Variants in ADAMTSL2 observed in about 807,000 individuals in gnomAD.
ADAMTSL2 encodes ADAMTS-like protein 2.
ADAMTSL2 carries 55 observed loss-of-function variants against 117.0 expected under a neutral mutation model. The ratio of observed to expected loss-of-function variants is 0.47; its 90% CI spans 0.38 to 0.59. The LOEUF (loss-of-function observed/expected upper bound fraction) is 0.59, where lower values mean the gene tolerates loss of function less well. Ranked by LOEUF, ADAMTSL2 falls within the 20% of genes least tolerant of loss-of-function variation. ADAMTSL2 has a pLI of 0.00. For missense variants in ADAMTSL2, 1,182 were observed against 1,354.5 expected (o/e 0.87, Z 2.00); for synonymous variants, 572 against 566.4 (o/e 1.01, Z -0.14).
At chr9:133,556,015 G>A (rs1037692575) in intron 11 of ADAMTSL2, 85 bp downstream of exon 11, 3 of 1,539,976 alleles carry the variant, frequency 1.9e-6, no homozygotes, top group East Asian at 2.3e-5. Flanking sequence ...GGCCCCACTG[G>A]GGGGGTCTGG....
At chr9:133,571,264 G>T (rs1330477302) in intron 17 of ADAMTSL2, among the ~76,000 whole-genome samples, 3 of 152,160 alleles carry the variant, frequency 2.0e-5, no homozygotes, top group Non-Finnish European at 4.4e-5. Flanking sequence ...CCCACTCGGG[G>T]TCCCACAGTT....
At chr9:133,537,328 C>A in intron 2 of ADAMTSL2, 77 bp from the exon 3 acceptor site, 1 of 1,310,544 alleles carries the variant, frequency 7.6e-7, no homozygotes, top group Admixed American at 2.9e-5. Context: ...CGGTGATACC[C>A]TCGGGCATGG....
chr9:133,548,086 C>T (rs1277471091), intron 9 of ADAMTSL2, among the ~76,000 whole-genome samples: 6 of 152,250 alleles, frequency 3.9e-5, no homozygotes, highest in Admixed American at 6.5e-5. Flanking sequence ...AGCCACCCCA[C>T]AACCTGGGCT....
Position 133,566,957 on chromosome 9 carries a change from T to C in ADAMTSL2, c.1769T>C (p.Met590Thr), listed in dbSNP as rs1588307927. ...CCAGGGGTCATGTCTGCGTACGCCATGTGTGTCCGCTATGATGGCGTCGAG... is the reference window on the plus strand; with the variant it reads ...CCAGGGGTCATGTCTGCGTACGCCACGTGTGTCCGCTATGATGGCGTCGAG... Reference protein sequence around the residue: ...CTTGVMSAYAMCVRYDGVEVD... With the variant: ...CTTGVMSAYATCVRYDGVEVD... The change falls in exon 13 of 19, where the codon ATG becomes ACG. Residue 590 changes from methionine (M) to threonine (T), a missense_variant. Around this residue, in one of 3 missense-constraint regions of ADAMTSL2, gnomAD observed 465 missense variants for 565.3 expected, o/e 0.82. Coordinates refer to ENST00000651351, the MANE Select transcript of ADAMTSL2 (RefSeq NM_014694.4). 1 of 1,609,956 alleles carries C rather than the reference T, an allele frequency of 6.2e-7. No individual in the cohort carries two copies. The highest frequency in any genetic ancestry group is 2.2e-5 in the East Asian group (1 of 44,764).
chr9:133,552,163 G>A lies in ADAMTSL2; in HGVS notation c.940-2194G>A, dbSNP rs954734444. Among the ~76,000 whole-genome samples, 41 of 152,304 alleles carry A rather than the reference G, an allele frequency of 2.7e-4. No individual in the cohort carries two copies. In the East Asian group the frequency reaches 2.7e-3, roughly 10 times the overall value. ...TTTAATGTCACCCAGCAGATGAGTT[G>A]AACAGATATTCTTGGATGTGGAATA... is the stretch of plus-strand genomic sequence containing the variant. On this transcript the variant is annotated intron_variant, in intron 9 of 18. Transcript: ENST00000651351.
rs1830660484 is a variant in ADAMTSL2 at position 133,558,618 on chromosome 9, G to C, written c.1650-2580G>C. ...AGCTTCTCCTGCCTGGGGAGCCCGTGAGCCTGTGTCTGGCCGGGCATCTGG... is the reference window on the plus strand; with the variant it reads ...AGCTTCTCCTGCCTGGGGAGCCCGTCAGCCTGTGTCTGGCCGGGCATCTGG... On this transcript the variant is annotated intron_variant, in intron 11 of 18. Transcript: ENST00000651351. The surrounding 1 kb of genome is among the most constrained non-coding windows in gnomAD (Gnocchi z 4.3). Among the ~76,000 whole-genome samples, 1 of 152,212 alleles carries C rather than the reference G, an allele frequency of 6.6e-6. No homozygotes were observed. Among genetic ancestry groups the C allele is most frequent in the Non-Finnish European group, 1.5e-5 (1 of 68,034 alleles).
chr9:133,538,735 C>G (rs116470870), intron 4 of ADAMTSL2, among the ~76,000 whole-genome samples: 132 of 152,310 alleles, frequency 8.7e-4, no homozygotes, highest in African/African-American at 2.8e-3. Context: ...CCACTTTACT[C>G]ACAACATTCG....
At chr9:133,561,388 GCC>G in intron 12 of ADAMTSL2, 93 bp downstream of exon 12, 1 of 1,192,192 alleles carries the variant, frequency 8.4e-7, no homozygotes, top group Non-Finnish European at 1.2e-6. Context: ...CTAGCTTGCA[GCC>G]CCCAAACTGC....
chr9:133,534,252 CT>C (rs1462233679), upstream of ADAMTSL2: 2 of 153,550 alleles, frequency 1.3e-5, no homozygotes, highest in African/African-American at 4.8e-5. Context: ...GGCTCGTGAC[CT>C]GGGGCACGGT....
chr9:133,549,646 T>C (rs1026770445), intron 9 of ADAMTSL2, among the ~76,000 whole-genome samples: 2 of 40,634 alleles, frequency 4.9e-5, no homozygotes, highest in Non-Finnish European at 1.9e-4. Flanking sequence ...CAGCCTCTCA[T>C]AGTGCTTGGA....
chr9:133,535,960 T>C (rs1388611441), intron 1 of ADAMTSL2, among the ~76,000 whole-genome samples: 1 of 152,174 alleles, frequency 6.6e-6, no homozygotes, highest in African/African-American at 2.4e-5. Context: ...TGGGAGGAAG[T>C]CAGCCTTGTG....
At chr9:133,552,760 T>C (rs1400481583) in intron 9 of ADAMTSL2, among the ~76,000 whole-genome samples, 1 of 152,044 alleles carries the variant, frequency 6.6e-6, no homozygotes, top group Non-Finnish European at 1.5e-5. Context: ...GGGTCTGTCT[T>C]GTTATTGTGG....
chr9:133,555,136 C>T (rs1415261191), intron 10 of ADAMTSL2, among the ~76,000 whole-genome samples: 2 of 152,080 alleles, frequency 1.3e-5, no homozygotes, highest in Non-Finnish European at 2.9e-5. Context: ...CCAGCCTCTG[C>T]CTTTGTCCTC....
intron 17 of ADAMTSL2, among the ~76,000 whole-genome samples, chr9:133,571,282 G>A (rs1406885891): frequency 1.3e-5 from 2 of 152,184 alleles, no homozygotes; most frequent in Admixed American, 6.5e-5. Context: ...GTTACTGGGG[G>A]CTGTAGCAGA....
chr9:133,569,416 A>G lies in ADAMTSL2; in HGVS notation c.2253A>G (p.Gly751=), dbSNP rs1163727477. The change falls in exon 16 of 19, where the codon GGA becomes GGG. Residue 751 remains glycine (G), a synonymous_variant. Coordinates refer to ENST00000651351, the MANE Select transcript of ADAMTSL2 (RefSeq NM_014694.4). ...WTVSDWGPCS[G]SCGQGRTIRH... ...TGTCCTCTCCCCTGCAGTGCAGTGG[A>G]AGCTGCGGGCAAGGCCGCACCATCA... 8.1e-6 allele frequency: 13 copies of G among 1,613,346 alleles called. 1 individual carries two copies. In the Middle Eastern group the frequency reaches 1.2e-3, roughly 143 times the overall value.
intron 4 of ADAMTSL2, 78 bp from the exon 5 acceptor site, chr9:133,539,693 C>CGGCTG (rs1554810834): frequency 3.6e-4 from 510 of 1,413,754 alleles, no homozygotes; most frequent in Non-Finnish European, 4.3e-4. Flanking sequence ...GCTGCAGCCA[C>CGGCTG]TTCCTGCTTA....
At position 133,536,572 on chromosome 9, in the gene ADAMTSL2, G is replaced by C; in HGVS notation, c.-141G>C. ...TCATCCTTCCCAACAGGGTCTGCCA[G>C]ACAACCACGACCAACTAGTCCCAGA... On this transcript the variant is annotated 5_prime_UTR_variant, in exon 2 of 19. Coordinates refer to ENST00000651351, the MANE Select transcript of ADAMTSL2 (RefSeq NM_014694.4). 1 of 1,584,176 alleles carries C rather than the reference G, an allele frequency of 6.3e-7. No homozygotes were observed. The highest frequency in any genetic ancestry group is 1.1e-5 in the South Asian group (1 of 88,286).
At chr9:133,540,816 G>A (rs1353587570) in intron 6 of ADAMTSL2, 62 bp from the exon 7 acceptor site, 1 of 1,613,046 alleles carries the variant, frequency 6.2e-7, no homozygotes, top group Admixed American at 1.7e-5. Context: ...GGGAGGCAGT[G>A]GCGGCCCCGG....
chr9:133,565,573 G>A (rs1830949598), intron 12 of ADAMTSL2, among the ~76,000 whole-genome samples: 1 of 152,202 alleles, frequency 6.6e-6, no homozygotes, highest in Admixed American at 6.5e-5. Flanking sequence ...CCCAGCTCTG[G>A]CGGGAGAGGA....
Sources: allele counts gnomAD v4.1 joint callset (sites outside exome capture counted in the v4.1 genomes callset), GRCh38; gene constraint gnomAD v4.1.1; regional missense constraint gnomAD v4.1.1; non-coding constraint Gnocchi (gnomAD v3.1); transcripts MANE v1.5; gene names NCBI Gene and HGNC (gene_info 2026-07-23, HGNC 2026-07-21).